APP: variants seen among roughly 807,000 people sequenced by gnomAD.
APP encodes the protein amyloid-beta precursor protein.
APP carries 31 observed loss-of-function variants against 101.4 expected under a neutral mutation model. The observed-to-expected ratio is 0.31, with a 90% CI of 0.23 to 0.41. The LOEUF is 0.41. APP is among the 10% of genes least tolerant of loss of function. The pLI is 1.00. For missense variants in APP, 839 were observed against 1,003.7 expected (o/e 0.84, Z 2.22); for synonymous variants, 366 against 364.4 (o/e 1.00, Z -0.05).
chr21:26,038,279 G>A (rs1051200223), intron 5 of APP, among the ~76,000 whole-genome samples: 1 of 151,964 alleles, frequency 6.6e-6, no homozygotes, highest in Non-Finnish European at 1.5e-5. Context: ...AGTGCTTAAG[G>A]AGCCATTACG....
rs187969190 is a variant in APP, at chr21:26,078,873, G to A, written c.355+11070C>T. On this transcript the variant is annotated intron_variant, in intron 3 of 17. Coordinates refer to ENST00000346798, the MANE Select transcript of APP (RefSeq NM_000484.4). ...AGCCTGACCAACACGGAGAAACCCC[G>A]TCTCTACTAAAAACAGAAAAATAGC... 2.5e-3 allele frequency among the ~76,000 whole-genome samples: 376 copies of A among 152,098 alleles called. 1 individual carries two copies. Among genetic ancestry groups the A allele is most frequent in the South Asian group, 4.2e-3 (20 of 4,818 alleles).
chr21:25,928,056 A>G (rs938042085), intron 13 of APP, among the ~76,000 whole-genome samples: 1 of 152,102 alleles, frequency 6.6e-6, no homozygotes, highest in African/African-American at 2.4e-5. Context: ...CTAAAAAACA[A>G]CTTTATGGCC....
chr21:25,971,855 C>A (rs999699184), intron 11 of APP, among the ~76,000 whole-genome samples: 2 of 152,162 alleles, frequency 1.3e-5, no homozygotes, highest in Non-Finnish European at 2.9e-5. Flanking sequence ...TCTATCCCAC[C>A]TAACAAATCT....
chr21:25,909,291 T>C (rs2038946182), intron 14 of APP, among the ~76,000 whole-genome samples: 1 of 149,648 alleles, frequency 6.7e-6, no homozygotes, highest in African/African-American at 2.5e-5. Flanking sequence ...AAAAAAAAAT[T>C]GCTTAAGTGG....
At chr21:25,964,687 G>A (rs2146528204) in intron 11 of APP, among the ~76,000 whole-genome samples, 1 of 146,224 alleles carries the variant, frequency 6.8e-6, no homozygotes, top group African/African-American at 2.5e-5. Flanking sequence ...TCCCCTCACT[G>A]CAACCCGGGT....
intron 3 of APP, among the ~76,000 whole-genome samples, chr21:26,068,615 A>G (rs2046552992): frequency 6.6e-6 from 1 of 152,008 alleles, no homozygotes; most frequent in Admixed American, 6.6e-5. Context: ...CAACTCTCCT[A>G]GCTTCAGCCT....
At chr21:25,966,217 G>C (rs187657204) in intron 11 of APP, among the ~76,000 whole-genome samples, 1 of 152,272 alleles carries the variant, frequency 6.6e-6, no homozygotes, top group African/African-American at 2.4e-5. Context: ...TTTACTGAAA[G>C]AGCATGTATA....
intron 13 of APP, chr21:25,933,882 A>G (rs1187260519): frequency 6.6e-6 from 1 of 152,192 alleles, no homozygotes; most frequent in African/African-American, 2.4e-5. Context: ...ATTTGACAAT[A>G]GTTCACATTC....
intron 13 of APP, among the ~76,000 whole-genome samples, chr21:25,950,186 A>C (rs1008658716): frequency 6.6e-6 from 1 of 152,172 alleles, no homozygotes; most frequent in Non-Finnish European, 1.5e-5. Context: ...ACATTCATAA[A>C]GAAAGAATGT....
intron 1 of APP, among the ~76,000 whole-genome samples, chr21:26,133,017 C>A (rs533098230): frequency 4.0e-5 from 6 of 151,776 alleles, no homozygotes; most frequent in Non-Finnish European, 8.8e-5. Context: ...GTGGGTAGAT[C>A]CCTGAGCTCA....
chr21:26,092,139 G>T lies in APP; in HGVS notation c.226-2067C>A, dbSNP rs796985813. 5.9e-5 allele frequency among the ~76,000 whole-genome samples: 9 copies of T among 152,212 alleles called. 1 individual carries two copies. The highest frequency in any genetic ancestry group is 2.2e-4 in the African/African-American group (9 of 41,544). ...TCTCTGTCTAAAAAGTTGATATTTT[G>T]TTCATCATGGAGTTTTTTTGCAGTA... On this transcript the variant is annotated intron_variant, in intron 2 of 17. Transcript: ENST00000346798.
chr21:25,999,029 G>A (rs941837915), intron 7 of APP, among the ~76,000 whole-genome samples: 11 of 152,342 alleles, frequency 7.2e-5, no homozygotes, highest in African/African-American at 2.4e-4. Context: ...AGTGGCTCAC[G>A]CCTGTAATCC....
intron 17 of APP, 36 bp downstream of exon 17, chr21:25,891,686 A>T: frequency 6.2e-7 from 1 of 1,610,042 alleles, no homozygotes; most frequent in Non-Finnish European, 8.5e-7. Flanking sequence ...CATAGTCTTA[A>T]TTCCCACTTG....
At chr21:26,162,550 GA>G (rs1208428310) in intron 1 of APP, among the ~76,000 whole-genome samples, 2 of 152,070 alleles carry the variant, frequency 1.3e-5, no homozygotes, top group Middle Eastern at 6.3e-3. Context: ...AACTTGGGAT[GA>G]GGGGCAGGTC....
chr21:26,013,339 A>T (rs1451105241), intron 6 of APP, among the ~76,000 whole-genome samples: 1 of 152,152 alleles, frequency 6.6e-6, no homozygotes, highest in Non-Finnish European at 1.5e-5. Context: ...AAACAAAAAA[A>T]GTGTGCCCAT....
chr21:26,164,503 TAGC>T (rs1239891252), intron 1 of APP, among the ~76,000 whole-genome samples: 4 of 152,220 alleles, frequency 2.6e-5, no homozygotes, highest in African/African-American at 4.8e-5. Flanking sequence ...TCCTTGCACA[TAGC>T]TGATAGCCAA....
chr21:25,883,100 G>A (rs1440785560), intron 17 of APP, among the ~76,000 whole-genome samples: 1 of 152,112 alleles, frequency 6.6e-6, no homozygotes, highest in African/African-American at 2.4e-5. Context: ...TAACAATTCA[G>A]ACTAAAAGAT....
chr21:26,002,422 C>T (rs2043339921), intron 6 of APP, among the ~76,000 whole-genome samples: 1 of 2,088 alleles, frequency 4.8e-4, no homozygotes, highest in South Asian at 0.012. Flanking sequence ...GGTCTCTGCT[C>T]CCAGAGCTTA....
chr21:26,051,197 CAA>C lies in APP; in HGVS notation c.469-6_469-5del. ...TGGTACTCTTCTCACTGCATGTCTA[CAA>C]AGTGTAAGGAGAAAACAGTGAGTGG... On this transcript the variant is annotated splice_region_variant and splice_polypyrimidine_tract_variant and intron_variant, in intron 4 of 17. Coordinates refer to ENST00000346798, the MANE Select transcript of APP (RefSeq NM_000484.4). 6.2e-7 allele frequency: 1 copy of C among 1,612,338 alleles called. No individual in the cohort carries two copies. Among genetic ancestry groups the C allele is most frequent in the Non-Finnish European group, 8.5e-7 (1 of 1,178,956 alleles).
Sources: gnomAD v4.1 joint callset for allele counts (sites outside exome capture counted in the v4.1 genomes callset) on GRCh38, gnomAD v4.1.1 for gene constraint, MANE v1.5 for transcripts, NCBI Gene and HGNC (gene_info 2026-07-23, HGNC 2026-07-21) for gene names.